Variants in NOTCH1 observed in about 807,000 individuals in gnomAD.
The protein encoded by NOTCH1 is notch receptor 1, also known as neurogenic locus notch homolog protein 1.
Under a neutral mutation model 254.8 loss-of-function variants are expected in NOTCH1, and 37 were observed. The ratio of observed to expected loss-of-function variants is 0.15; its 90% CI spans 0.11 to 0.19. The LOEUF is 0.19. Among genes scored for constraint, NOTCH1 ranks in the 10% least tolerant of loss-of-function variants. The pLI is 1.00. For synonymous variants in NOTCH1, 1,731 were observed against 1,618.1 expected, an observed-to-expected ratio of 1.07 and a Z score of -1.68; for missense variants, 2,972 against 3,708.6, an observed-to-expected ratio of 0.80 and a Z score of 5.16.
In NOTCH1 at chr9:136,510,701, C is replaced by T. The variant is rs748777783; in HGVS notation, c.2692G>A (p.Gly898Ser). ...GTCTCGCAGTTGCGCCCACTGTAGCCGGCCTGGCAGTGGCAGCGGTAGCCG... is the reference window on the plus strand; with the variant it reads ...GTCTCGCAGTTGCGCCCACTGTAGCTGGCCTGGCAGTGGCAGCGGTAGCCG... ...HGGYRCHCQAGYSGRNCETDI... is the reference protein window; with the variant it reads ...HGGYRCHCQASYSGRNCETDI... The change falls in exon 17 of 34, where the codon GGC becomes AGC. Residue 898 changes from glycine to serine, a missense_variant. Gly to Ser is a moderately conservative substitution (Grantham distance 56). Around this residue, in one of 8 missense-constraint regions of NOTCH1, gnomAD observed 1,343 missense variants for 1,557.0 expected, o/e 0.86. Coordinates refer to ENST00000651671, the MANE Select transcript of NOTCH1 (RefSeq NM_017617.5). The T allele has an allele frequency of 9.3e-6, 15 of 1,610,158 alleles. No individual in the cohort carries two copies. The highest frequency in any genetic ancestry group is 2.2e-5 in the East Asian group (1 of 44,870).
At chr9:136,544,210 G>A (rs942475302) in intron 1 of NOTCH1, 108 bp from the exon 2 acceptor site, 16 of 1,033,376 alleles carry the variant, frequency 1.5e-5, no homozygotes, top group South Asian at 4.1e-5. Flanking sequence ...GGCATCGTCC[G>A]CCCCCTACCC....
In NOTCH1 at chr9:136,495,122, C is replaced by T. The variant is rs1316816593; in HGVS notation, c.*949G>A. ...CGGAACCTGGGGGACACTGTGCAGGCTGAGGTGCTGGGGCCGCCACCGGGG... is the reference window on the plus strand; with the variant it reads ...CGGAACCTGGGGGACACTGTGCAGGTTGAGGTGCTGGGGCCGCCACCGGGG... On this transcript the variant is annotated 3_prime_UTR_variant, in exon 34 of 34. Transcript: ENST00000651671. 1 of 398,980 alleles carries T rather than the reference C, an allele frequency of 2.5e-6. No individual in the cohort carries two copies. Among genetic ancestry groups the T allele is most frequent in the Non-Finnish European group, 4.4e-6 (1 of 226,114 alleles). The allele number at this position is 398,980 out of a possible 1,614,324, so 24.7% of individuals were successfully genotyped here. A position where few individuals can be genotyped will look rare whatever the true frequency, so the allele number is the denominator to read the frequency against.
intron 2 of NOTCH1, among the ~76,000 whole-genome samples, chr9:136,541,520 C>T (rs1276023841): frequency 1.3e-5 from 2 of 152,236 alleles, no homozygotes; most frequent in South Asian, 2.1e-4. Flanking sequence ...GCCTGCACCC[C>T]AGACTCTTTC....
At chr9:136,511,735 G>C (rs1345786014) in intron 15 of NOTCH1, among the ~76,000 whole-genome samples, 1 of 152,236 alleles carries the variant, frequency 6.6e-6, no homozygotes, top group Non-Finnish European at 1.5e-5. Flanking sequence ...CGTGTCACAG[G>C]CAGCAAACGC....
chr9:136,522,379 C>T (rs568587375), intron 4 of NOTCH1, among the ~76,000 whole-genome samples: 6 of 152,180 alleles, frequency 3.9e-5, no homozygotes, highest in South Asian at 4.1e-4. Context: ...ACACGGGGAT[C>T]GGGGAGCACT....
At chr9:136,530,402 C>A (rs771886277) in intron 2 of NOTCH1, among the ~76,000 whole-genome samples, 1 of 152,226 alleles carries the variant, frequency 6.6e-6, no homozygotes, top group African/African-American at 2.4e-5. Flanking sequence ...CTACCTTTCC[C>A]GCAGCCGGGA....
In NOTCH1 at chr9:136,517,441, C is replaced by G. The variant is rs1843294186; in HGVS notation, c.1442-56G>C. Reference sequence around the variant, plus strand: ...CGCGCGGCCCCAGTGCCCCACTGGGCACAGCTGTGGACTTGGGACAGAAAC... The same window carrying G: ...CGCGCGGCCCCAGTGCCCCACTGGGGACAGCTGTGGACTTGGGACAGAAAC... On this transcript the variant is annotated intron_variant, in intron 8 of 33. Coordinates refer to ENST00000651671, the MANE Select transcript of NOTCH1 (RefSeq NM_017617.5). 4.9e-6 allele frequency: 6 copies of G among 1,225,648 alleles called. No homozygotes were observed. The East Asian group carries it at 1.5e-4, about 31-fold the overall frequency. The allele number at this position is 1,225,648 out of a possible 1,614,324, so 75.9% of individuals were successfully genotyped here. A position where few individuals can be genotyped will look rare whatever the true frequency, so the allele number is the denominator to read the frequency against.
At chr9:136,500,133 C>T (rs1437139568) in intron 31 of NOTCH1, among the ~76,000 whole-genome samples, 2 of 152,234 alleles carry the variant, frequency 1.3e-5, no homozygotes. Flanking sequence ...GGTCTGCAGG[C>T]ACCGAGCGGC....
At chr9:136,518,891 G>A (rs542991743) in intron 5 of NOTCH1, 67 bp from the exon 6 acceptor site, 18 of 1,437,100 alleles carry the variant, frequency 1.3e-5, no homozygotes, top group African/African-American at 9.8e-5. Context: ...CCCCTAAGAC[G>A]CAGGGTGGCA....
At chr9:136,523,237 G>A (rs72775789) in intron 3 of NOTCH1, 49 bp from the exon 4 acceptor site, 1 of 1,537,482 alleles carries the variant, frequency 6.5e-7, no homozygotes, top group Non-Finnish European at 8.8e-7. Context: ...TGCTCCCCGA[G>A]GCCGGGCCTT....
chr9:136,505,237 TGGCC>T, intron 25 of NOTCH1, 69 bp downstream of exon 25: 2 of 1,531,360 alleles, frequency 1.3e-6, no homozygotes, highest in South Asian at 2.4e-5. Flanking sequence ...AACTGCATGC[TGGCC>T]TCCGGGCCCA....
chr9:136,532,675 G>A (rs1429702007), intron 2 of NOTCH1, among the ~76,000 whole-genome samples: 1 of 152,260 alleles, frequency 6.6e-6, no homozygotes, highest in African/African-American at 2.4e-5. Flanking sequence ...GAGGACGGCA[G>A]CTGGGGCTGT....
At position 136,517,953 on chromosome 9, in the gene NOTCH1, G is replaced by A. The variant is rs374025845; in HGVS notation, c.1256-16C>T. 9 of 1,606,612 alleles carry A rather than the reference G, an allele frequency of 5.6e-6. No individual in the cohort carries two copies. In the African/African-American group the frequency reaches 6.7e-5, roughly 12 times the overall value. Reference sequence around the variant, plus strand: ...GGGTTGGCACCTGGCGAGGGCACACGGGTGAGAGGCTGCTCCAGGCACCCT... The same window carrying A: ...GGGTTGGCACCTGGCGAGGGCACACAGGTGAGAGGCTGCTCCAGGCACCCT... On this transcript the variant is annotated splice_polypyrimidine_tract_variant and intron_variant, in intron 7 of 33. Transcript: ENST00000651671.
At chr9:136,511,110 G>A (rs751106710) in intron 16 of NOTCH1, 42 bp downstream of exon 16, 77 of 1,612,490 alleles carry the variant, frequency 4.8e-5, no homozygotes, top group Non-Finnish European at 6.2e-5. Context: ...CAGACATCCT[G>A]ACCTCCCATC....
chr9:136,506,059 G>A lies in NOTCH1; in HGVS notation c.4015-178C>T, dbSNP rs969089418. On this transcript the variant is annotated intron_variant, in intron 24 of 33. Transcript: ENST00000651671. This position sits in a 1 kb window ranked among gnomAD's most constrained non-coding sequence, Gnocchi z 4.5. ...ACATTCTACCAACAGAGAAAGATCG[G>A]GGGTGCCAGGGGGTCGGGAGATGGA... Among the ~76,000 whole-genome samples the A allele has an allele frequency of 6.6e-6, 1 of 152,200 alleles. No homozygotes were observed. Among genetic ancestry groups the A allele is most frequent in the African/African-American group, 2.4e-5 (1 of 41,442 alleles).
intron 2 of NOTCH1, among the ~76,000 whole-genome samples, chr9:136,526,439 C>T (rs1456153470): frequency 6.6e-6 from 1 of 152,222 alleles, no homozygotes; most frequent in Admixed American, 6.5e-5. Context: ...CAGCCTGGCC[C>T]ATGCAAGCTG....
At chr9:136,537,182 G>A (rs1158682558) in intron 2 of NOTCH1, among the ~76,000 whole-genome samples, 3 of 152,206 alleles carry the variant, frequency 2.0e-5, no homozygotes, top group South Asian at 2.1e-4. Context: ...CACCCCGGAC[G>A]CCCTCCCAAC....
chr9:136,497,606 G>A, intron 33 of NOTCH1, 48 bp from the exon 34 acceptor site: 2 of 1,487,276 alleles, frequency 1.3e-6, no homozygotes, highest in Non-Finnish European at 1.8e-6. Flanking sequence ...GCCAGGCGTG[G>A]GGACCCTCCC....
rs1843299208 is a variant in NOTCH1 at position 136,517,736 on chromosome 9, G to GCC, written c.1441+14_1441+15dup. 1.2e-6 allele frequency: 2 copies of GCC among 1,612,274 alleles called. No homozygotes were observed. The highest frequency in any genetic ancestry group is 2.2e-5 in the South Asian group (2 of 91,082). ...AGCCTCGACTCGGTTTCCCGCCCTG[G>GCC]CCCCGGCCGACGCACCGGGCATGCA... On this transcript the variant is annotated intron_variant, in intron 8 of 33. Coordinates refer to ENST00000651671, the MANE Select transcript of NOTCH1 (RefSeq NM_017617.5).
Sources: allele counts gnomAD v4.1 joint callset (sites outside exome capture counted in the v4.1 genomes callset), GRCh38; gene constraint gnomAD v4.1.1; regional missense constraint gnomAD v4.1.1; non-coding constraint Gnocchi (gnomAD v3.1); transcripts MANE v1.5; gene names NCBI Gene and HGNC (gene_info 2026-07-23, HGNC 2026-07-21).